The following VAV2 variants were observed in gnomAD, a reference collection of about 807,000 sequenced individuals.
VAV2 encodes guanine nucleotide exchange factor VAV2.
VAV2 carries 67 observed loss-of-function variants against 132.5 expected under a neutral mutation model. The ratio of observed to expected loss-of-function variants is 0.51; its 90% CI spans 0.42 to 0.62. The LOEUF is 0.62. Ranked by LOEUF, VAV2 falls within the 20% of genes least tolerant of loss-of-function variation. The pLI, the probability that VAV2 is intolerant of heterozygous loss-of-function variation, is 0.00. For synonymous variants in VAV2, 492 were observed against 443.5 expected (o/e 1.11, Z -1.37); for missense variants, 938 against 1,153.6 (o/e 0.81, Z 2.71).
chr9:133,946,824 G>A (rs1344219250), intron 1 of VAV2, among the ~76,000 whole-genome samples: 5 of 152,204 alleles, frequency 3.3e-5, no homozygotes, highest in Non-Finnish European at 7.3e-5. Flanking sequence ...TGATGGAATG[G>A]ATCAAATTTG....
At position 133,928,968 on chromosome 9, in the gene VAV2, G is replaced by A. The variant is rs996049360; in HGVS notation, c.321+10135C>T. 1.3e-5 allele frequency among the ~76,000 whole-genome samples: 2 copies of A among 152,152 alleles called. No individual in the cohort carries two copies. Among genetic ancestry groups the A allele is most frequent in the African/African-American group, 4.8e-5 (2 of 41,414 alleles). ...CTCAAACGCGGCTGGTACAATCACA[G>A]CACCACTCCCAGGAGCTTCCTCACG... On this transcript the variant is annotated intron_variant, in intron 2 of 29. Coordinates refer to ENST00000371850, the MANE Select transcript of VAV2 (RefSeq NM_001134398.2). This position sits in a 1 kb window ranked among gnomAD's most constrained non-coding sequence, Gnocchi z 5.4.
intron 19 of VAV2, among the ~76,000 whole-genome samples, chr9:133,782,554 C>T (rs2428108): frequency 0.94 from 143,608 of 152,180 alleles, 67,822 homozygotes; most frequent in East Asian, 1. Context: ...GTGAATTAAC[C>T]ATTGATCTAA....
intron 1 of VAV2, among the ~76,000 whole-genome samples, chr9:133,958,844 T>C (rs1316418875): frequency 6.6e-6 from 1 of 152,230 alleles, no homozygotes; most frequent in African/African-American, 2.4e-5. Flanking sequence ...TGGTCCTACT[T>C]TGTGCCAGGC....
chr9:133,943,890 G>A lies in VAV2; in HGVS notation c.205-4671C>T, dbSNP rs182226744. ...AATCAGGCTGAAATCGGATTAGTGT[G>A]GTGACACAGGCTCCATGCCCAGTCG... On this transcript the variant is annotated intron_variant, in intron 1 of 29. Transcript: ENST00000371850. 4.7e-3 allele frequency among the ~76,000 whole-genome samples: 723 copies of A among 152,352 alleles called. 7 individuals are homozygous for A. The highest frequency in any genetic ancestry group is 0.017 in the African/African-American group (695 of 41,578).
At chr9:133,848,146 G>A (rs1455145349) in intron 3 of VAV2, among the ~76,000 whole-genome samples, 1 of 151,670 alleles carries the variant, frequency 6.6e-6, no homozygotes, top group Non-Finnish European at 1.5e-5. Context: ...TGGGTGTAGT[G>A]GCGGGCGCCT....
At chr9:133,849,231 G>A (rs1837074121) in intron 3 of VAV2, among the ~76,000 whole-genome samples, 1 of 152,164 alleles carries the variant, frequency 6.6e-6, no homozygotes, top group Admixed American at 6.5e-5. Context: ...ACTTGGGACA[G>A]GGCACTGGGA....
intron 3 of VAV2, among the ~76,000 whole-genome samples, chr9:133,852,974 G>A (rs1056183129): frequency 1.3e-5 from 2 of 152,122 alleles, no homozygotes; most frequent in East Asian, 1.9e-4. Flanking sequence ...AGAGTCACCC[G>A]ATTCTCTCAC....
rs778739556 is a variant in VAV2 at position 133,788,262 on chromosome 9, C to A, written c.1407+92G>T. On this transcript the variant is annotated intron_variant, in intron 15 of 29. Transcript: ENST00000371850. This position sits in a 1 kb window ranked among gnomAD's most constrained non-coding sequence, Gnocchi z 5.3. The stretch of plus-strand genomic sequence containing the variant: ...CCCGGCCAGCATCAGCGGCTGACTT[C>A]GAGTCCCCTTCCCCTGGGGTCTGGA... 2.8e-5 allele frequency: 25 copies of A among 878,694 alleles called. No individual in the cohort carries two copies. The highest frequency in any genetic ancestry group is 4.0e-5 in the Non-Finnish European group (24 of 601,264). The allele number at this position is 878,694 out of a possible 1,614,324, so 54.4% of individuals were successfully genotyped here.
chr9:133,895,099 C>T (rs548856527), intron 2 of VAV2, among the ~76,000 whole-genome samples: 287 of 152,140 alleles, frequency 1.9e-3, no homozygotes, highest in African/African-American at 6.4e-3. Context: ...CACCGAGGGC[C>T]GCCCGCAGGA....
chr9:133,837,587 T>C (rs917324406), intron 3 of VAV2, among the ~76,000 whole-genome samples: 1 of 151,246 alleles, frequency 6.6e-6, no homozygotes, highest in Non-Finnish European at 1.5e-5. Flanking sequence ...TAATCCCAGC[T>C]ACTCGGGAAG....
At position 133,802,024 on chromosome 9, in the gene VAV2, G is replaced by A. The variant is rs141497255; in HGVS notation, c.836+4057C>T. Among the ~76,000 whole-genome samples the A allele has an allele frequency of 7.7e-3, 1,175 of 152,042 alleles. 26 individuals carry two copies. Among genetic ancestry groups the A allele is most frequent in the Admixed American group, 0.043 (661 of 15,262 alleles). ...GCCAAGCCAGGTCACTCACACAGAC[G>A]CCTTCACCCTCCGTCCACACCACAG... is the stretch of plus-strand genomic sequence containing the variant. On this transcript the variant is annotated intron_variant, in intron 9 of 29. Coordinates refer to ENST00000371850, the MANE Select transcript of VAV2 (RefSeq NM_001134398.2). The surrounding 1 kb of genome is among the most constrained non-coding windows in gnomAD (Gnocchi z 5.8).
chr9:133,988,326 G>A (rs566629824), intron 1 of VAV2, among the ~76,000 whole-genome samples: 2 of 152,278 alleles, frequency 1.3e-5, no homozygotes, highest in South Asian at 2.1e-4. Flanking sequence ...GTCCACAAGA[G>A]AGTAAGCCAG....
At chr9:133,817,205 T>G (rs1835592366) in intron 4 of VAV2, among the ~76,000 whole-genome samples, 1 of 152,236 alleles carries the variant, frequency 6.6e-6, no homozygotes, top group African/African-American at 2.4e-5. Flanking sequence ...TAGGAAGAAT[T>G]GGGCCTTTTC....
intron 12 of VAV2, among the ~76,000 whole-genome samples, chr9:133,793,228 C>G (rs534095707): frequency 2.0e-4 from 31 of 152,308 alleles, no homozygotes; most frequent in African/African-American, 6.5e-4. Flanking sequence ...TGGCCCACAG[C>G]GGAACCCAAG....
Position 133,933,557 on chromosome 9 carries a change from G to A in VAV2, c.321+5546C>T, listed in dbSNP as rs546077799. On this transcript the variant is annotated intron_variant, in intron 2 of 29. Transcript: ENST00000371850. ...TGGATGAGTGGATGGATGGATGGATGGTGGATGGATGGATGGATGGTGGAT... is the reference window on the plus strand; with the variant it reads ...TGGATGAGTGGATGGATGGATGGATAGTGGATGGATGGATGGATGGTGGAT... Among the ~76,000 whole-genome samples the A allele has an allele frequency of 7.3e-5, 11 of 151,394 alleles. No homozygotes were observed. The South Asian group carries it at 1.9e-3, about 26-fold the overall frequency.
chr9:133,973,507 C>G (rs1303489073), intron 1 of VAV2, among the ~76,000 whole-genome samples: 1 of 152,208 alleles, frequency 6.6e-6, no homozygotes, highest in African/African-American at 2.4e-5. Flanking sequence ...GGAAGGCCAT[C>G]TGCAAAGGGC....
intron 26 of VAV2, among the ~76,000 whole-genome samples, chr9:133,771,103 A>G (rs1833609431): frequency 7.6e-6 from 1 of 131,662 alleles, no homozygotes; most frequent in Admixed American, 9.1e-5. Flanking sequence ...TTACTCTGTC[A>G]CCCAGGCTGG....
chr9:133,790,734 A>C (rs1439384062), intron 13 of VAV2, among the ~76,000 whole-genome samples: 1 of 149,796 alleles, frequency 6.7e-6, no homozygotes, highest in Admixed American at 6.6e-5. Context: ...TCAGAAGCTT[A>C]TTTTTTTTTT....
chr9:133,774,872 G>A, intron 25 of VAV2, 63 bp downstream of exon 25: 1 of 1,418,142 alleles, frequency 7.1e-7, no homozygotes, highest in Non-Finnish European at 9.8e-7. Context: ...GGAGAGGATG[G>A]TGCTCTCCAC....
Sources: allele counts gnomAD v4.1 joint callset (sites outside exome capture counted in the v4.1 genomes callset), GRCh38; gene constraint gnomAD v4.1.1; non-coding constraint Gnocchi (gnomAD v3.1); transcripts MANE v1.5; gene names NCBI Gene and HGNC (gene_info 2026-07-23, HGNC 2026-07-21).